The following KCNG2 variants were observed in gnomAD, a reference collection of about 807,000 sequenced individuals.
The protein encoded by KCNG2 is voltage-gated potassium channel regulatory subunit KCNG2.
A neutral mutation model predicts 12.3 loss-of-function variants in KCNG2; 7 were observed. The observed-to-expected ratio is 0.57, with a 90% CI of 0.32 to 1.07. The LOEUF (loss-of-function observed/expected upper bound fraction) is 1.07, where lower values mean the gene tolerates loss of function less well. Ranked by LOEUF, KCNG2 falls within the 50% of genes least tolerant of loss-of-function variation. KCNG2 has a pLI of 0.04. For missense variants in KCNG2, 703 were observed against 726.0 expected (o/e 0.97, Z 0.36); for synonymous variants, 414 against 351.4 (o/e 1.18, Z -1.99).
intron 1 of KCNG2, among the ~76,000 whole-genome samples, chr18:79,829,612 T>G (rs1040148099): frequency 6.6e-6 from 1 of 152,148 alleles, no homozygotes; most frequent in African/African-American, 2.4e-5. Context: ...CCGGTCCTTC[T>G]CTGCCTCTCT....
rs1295380590 is a variant in KCNG2 at position 79,822,462 on chromosome 18, C to T, written c.-115+24448C>T. On this transcript the variant is annotated intron_variant, in intron 1 of 3. Transcript: ENST00000316249. The surrounding 1 kb of genome is among the most constrained non-coding windows in gnomAD (Gnocchi z 4.4). ...TTTTAAAGTTATTATTTTTTTGAGACAGGGTCTCACTCTGTCCCCCAGGCT... is the reference window on the plus strand; with the variant it reads ...TTTTAAAGTTATTATTTTTTTGAGATAGGGTCTCACTCTGTCCCCCAGGCT... Among the ~76,000 whole-genome samples the T allele has an allele frequency of 6.6e-6, 1 of 152,082 alleles. No individual in the cohort carries two copies. The highest frequency in any genetic ancestry group is 1.9e-4 in the East Asian group (1 of 5,202).
chr18:79,880,699 C>T (rs1980260966), intron 3 of KCNG2, among the ~76,000 whole-genome samples: 1 of 152,164 alleles, frequency 6.6e-6, no homozygotes, highest in African/African-American at 2.4e-5. Flanking sequence ...AACTCCTCAA[C>T]AAAACATCAG....
intron 1 of KCNG2, among the ~76,000 whole-genome samples, chr18:79,829,422 G>T (rs917520497): frequency 7.2e-5 from 11 of 152,174 alleles, no homozygotes; most frequent in Admixed American, 2.6e-4. Flanking sequence ...CATGGCCCGT[G>T]TTTCTCAGGT....
chr18:79,821,321 CTCT>C (rs2087568734), intron 1 of KCNG2, among the ~76,000 whole-genome samples: 1 of 134,006 alleles, frequency 7.5e-6, no homozygotes, highest in Non-Finnish European at 1.5e-5. Flanking sequence ...CAGAGCCTGG[CTCT>C]TGTCACCCAG....
At chr18:79,821,806 G>A (rs2087572506) in intron 1 of KCNG2, among the ~76,000 whole-genome samples, 13 of 152,230 alleles carry the variant, frequency 8.5e-5, no homozygotes, top group Admixed American at 8.5e-4. Context: ...CCACAGGCCA[G>A]GCCATGCATC....
chr18:79,895,573 G>C (rs1238473533), intron 3 of KCNG2, among the ~76,000 whole-genome samples: 1 of 151,628 alleles, frequency 6.6e-6, no homozygotes, highest in Non-Finnish European at 1.5e-5. Context: ...TGATATAGTT[G>C]GGTCTGTGTC....
chr18:79,809,586 CA>C (rs141930806), intron 1 of KCNG2, among the ~76,000 whole-genome samples: 1 of 120,542 alleles, frequency 8.3e-6, no homozygotes, highest in African/African-American at 3.2e-5. Context: ...GCCGGGGCCT[CA>C]CTGACCACAC....
At chr18:79,881,282 G>A (rs1269877059) in intron 3 of KCNG2, among the ~76,000 whole-genome samples, 1 of 152,176 alleles carries the variant, frequency 6.6e-6, no homozygotes, top group East Asian at 1.9e-4. Flanking sequence ...CCGTACGATT[G>A]GAAAGCAAGA....
chr18:79,885,008 G>A (rs9964791), intron 3 of KCNG2, among the ~76,000 whole-genome samples: 4,837 of 152,228 alleles, frequency 0.032, 276 homozygotes, highest in African/African-American at 0.11. Context: ...CCCAACTCTC[G>A]GGGTGCTTGC....
chr18:79,818,156 T>C (rs574906539), intron 1 of KCNG2, among the ~76,000 whole-genome samples: 10 of 152,332 alleles, frequency 6.6e-5, no homozygotes, highest in South Asian at 2.1e-4. Flanking sequence ...CCTGGATCCA[T>C]GTGTGGCTGC....
chr18:79,899,405 C>T lies in KCNG2; in HGVS notation c.990C>T (p.Cys330=), dbSNP rs770957877. 5 of 1,581,944 alleles carry T rather than the reference C, an allele frequency of 3.2e-6. No homozygotes were observed. Among genetic ancestry groups the T allele is most frequent in the Admixed American group, 1.8e-5 (1 of 56,434 alleles). ...TCGGGCTGCTGCTGCTGTTCCTCTG[C>T]GTGGCCATGGCGCTCTTCGCGCCAC... ...REFGLLLLFL[C]VAMALFAPLV... The change falls in exon 4 of 4, where the codon TGC becomes TGT. Residue 330 remains cysteine (C), a synonymous_variant. Coordinates refer to ENST00000316249, the MANE Select transcript of KCNG2 (RefSeq NM_012283.2).
At chr18:79,874,302 T>C (rs1046485657) in intron 3 of KCNG2, among the ~76,000 whole-genome samples, 1 of 152,102 alleles carries the variant, frequency 6.6e-6, no homozygotes, top group African/African-American at 2.4e-5. Context: ...ATAACAAAAA[T>C]ATGAAAGGCC....
intron 3 of KCNG2, among the ~76,000 whole-genome samples, chr18:79,885,406 C>T (rs545866524): frequency 1.3e-4 from 20 of 152,300 alleles, no homozygotes; most frequent in African/African-American, 4.8e-4. Flanking sequence ...GAAACGTGCC[C>T]GCCGACCATC....
At chr18:79,838,891 C>G (rs941024951) in intron 1 of KCNG2, among the ~76,000 whole-genome samples, 4 of 152,066 alleles carry the variant, frequency 2.6e-5, no homozygotes, top group African/African-American at 4.8e-5. Context: ...AGAGGAAGAG[C>G]AAAGCAAGTA....
intron 1 of KCNG2, among the ~76,000 whole-genome samples, chr18:79,801,034 G>A (rs1240015944): frequency 6.6e-6 from 1 of 152,220 alleles, no homozygotes; most frequent in Non-Finnish European, 1.5e-5. Context: ...GCCTCCCTCT[G>A]CAGACAGCCA....
chr18:79,887,082 CAGGGACAT>C (rs980958233), intron 3 of KCNG2, among the ~76,000 whole-genome samples: 1 of 146,448 alleles, frequency 6.8e-6, no homozygotes, highest in African/African-American at 2.7e-5. Context: ...GGACACGGGA[CAGGGACAT>C]AGGGCCATAG....
chr18:79,812,397 T>C lies in KCNG2; in HGVS notation c.-115+14383T>C, dbSNP rs1007393786. Among the ~76,000 whole-genome samples the C allele has an allele frequency of 1.4e-4, 21 of 152,262 alleles. 1 individual carries two copies. In the East Asian group the frequency reaches 3.9e-3, roughly 28 times the overall value. On this transcript the variant is annotated intron_variant, in intron 1 of 3. Transcript: ENST00000316249. ...AATTCTTAAAAAGTCCTGAAAAATC[T>C]CCAGACCTGGTGATTTTACTGGAAA...
chr18:79,848,894 C>A (rs187960978), intron 1 of KCNG2, among the ~76,000 whole-genome samples: 2 of 152,324 alleles, frequency 1.3e-5, no homozygotes, highest in African/African-American at 4.8e-5. Flanking sequence ...TGCCTCGGTC[C>A]GCATGGGGCC....
intron 3 of KCNG2, among the ~76,000 whole-genome samples, chr18:79,885,831 A>T (rs201855830): frequency 2.7e-5 from 3 of 109,128 alleles, no homozygotes; most frequent in African/African-American, 8.8e-5. Context: ...GGACGGGGAC[A>T]TGGGGACACG....
Sources: gnomAD v4.1 joint callset for allele counts (sites outside exome capture counted in the v4.1 genomes callset) on GRCh38, gnomAD v4.1.1 for gene constraint, Gnocchi (gnomAD v3.1) non-coding constraint, MANE v1.5 for transcripts, NCBI Gene and HGNC (gene_info 2026-07-23, HGNC 2026-07-21) for gene names.